MYZAP: variants seen among roughly 807,000 people sequenced by gnomAD.
MYZAP encodes the protein GRINL1A complex locus upstream.
A neutral mutation model predicts 69.4 loss-of-function variants in MYZAP; 66 were observed. That is an observed-to-expected ratio of 0.95 (90% CI 0.78 to 1.17). MYZAP has a LOEUF of 1.17. Among genes scored for constraint, MYZAP ranks in the 50% most tolerant of loss-of-function variants. MYZAP has a pLI of 0.00. For synonymous variants in MYZAP, 256 were observed against 205.9 expected (o/e 1.24, Z -2.09); for missense variants, 611 against 556.2 (o/e 1.10, Z -0.99).
chr15:57,634,896 G>C (rs549173312), intron 8 of MYZAP, among the ~76,000 whole-genome samples: 1 of 152,234 alleles, frequency 6.6e-6, no homozygotes, highest in South Asian at 2.1e-4. Flanking sequence ...GTGAAGATTG[G>C]GCAACAAGGG....
intron 11 of MYZAP, among the ~76,000 whole-genome samples, chr15:57,665,327 C>G (rs1323624493): frequency 6.6e-6 from 1 of 152,168 alleles, no homozygotes; most frequent in Non-Finnish European, 1.5e-5. Context: ...GCAGTTGGCC[C>G]CGATATTTGC....
chr15:57,593,690 T>C (rs2033871009), intron 1 of MYZAP, among the ~76,000 whole-genome samples: 1 of 152,226 alleles, frequency 6.6e-6, no homozygotes, highest in South Asian at 2.1e-4. Context: ...TTGAATAAGA[T>C]GGCAGACGTA....
chr15:57,624,515 A>T (rs1196666776), intron 4 of MYZAP, among the ~76,000 whole-genome samples: 1 of 152,342 alleles, frequency 6.6e-6, no homozygotes, highest in African/African-American at 2.4e-5. Context: ...GTGGGAGGAC[A>T]TTTGTGAAAT....
intron 1 of MYZAP, among the ~76,000 whole-genome samples, chr15:57,596,995 A>G (rs1332894352): frequency 2.0e-5 from 3 of 152,214 alleles, no homozygotes; most frequent in Non-Finnish European, 4.4e-5. Flanking sequence ...AGGCAGTTAA[A>G]AACAGAAATC....
chr15:57,660,385 G>A (rs903330232), intron 10 of MYZAP, among the ~76,000 whole-genome samples: 4 of 152,174 alleles, frequency 2.6e-5, no homozygotes, highest in Non-Finnish European at 4.4e-5. Flanking sequence ...CATCATCATA[G>A]CTGACTTCCA....
chr15:57,604,173 A>G, intron 1 of MYZAP, 96 bp from the exon 2 acceptor site: 8 of 1,245,896 alleles, frequency 6.4e-6, no homozygotes, highest in South Asian at 1.3e-5. Context: ...CCCCAATGGA[A>G]GTAGGGGAAA....
chr15:57,684,438 T>C lies in MYZAP; in HGVS notation c.1341T>C (p.Ser447=), dbSNP rs757686178. 6 of 1,613,608 alleles carry C rather than the reference T, an allele frequency of 3.7e-6. No individual in the cohort carries two copies. Among genetic ancestry groups the C allele is most frequent in the Non-Finnish European group, 5.1e-6 (6 of 1,179,844 alleles). ...TGRTREIVMP[S]RNYTPYTRVL... is the part of the protein sequence containing the mutation. ...GGACTCGTGAAATTGTGATGCCTTCTAGGAACTACACCCCATACACAAGAG... is the reference window on the plus strand; with the variant it reads ...GGACTCGTGAAATTGTGATGCCTTCCAGGAACTACACCCCATACACAAGAG... The change falls in exon 13 of 13, where the codon TCT becomes TCC. Residue 447 remains serine (S), a synonymous_variant. Transcript: ENST00000267853.
chr15:57,660,530 G>A (rs1369005874), intron 10 of MYZAP, among the ~76,000 whole-genome samples: 2 of 152,048 alleles, frequency 1.3e-5, no homozygotes, highest in Admixed American at 6.5e-5. Context: ...GCCCAGGCTG[G>A]TCTTGAACTC....
rs1171743057 is a variant in MYZAP, at chr15:57,675,103, A to G, written c.1304+35A>G. The G allele has an allele frequency of 1.9e-6, 3 of 1,551,272 alleles. No individual in the cohort carries two copies. The East Asian group carries it at 6.7e-5, about 35-fold the overall frequency. The stretch of plus-strand genomic sequence containing the variant: ...AATTTCCTGATTTTTTTTTTTATTC[A>G]AATTCCTCTTTGGCTGAAGAAAATA... On this transcript the variant is annotated intron_variant, in intron 12 of 12. Transcript: ENST00000267853.
intron 5 of MYZAP, among the ~76,000 whole-genome samples, chr15:57,627,341 G>T (rs1265996596): frequency 1.5e-5 from 2 of 132,150 alleles, no homozygotes; most frequent in East Asian, 2.5e-4. Context: ...TAAAACCGCT[G>T]AGAGAAACAG....
At chr15:57,646,063 C>A in intron 10 of MYZAP, 1 of 919,864 alleles carries the variant, frequency 1.1e-6, no homozygotes, top group Non-Finnish European at 1.5e-6. Context: ...TGGTAATTAG[C>A]CAAATGGGGG....
rs544999358 is a variant in MYZAP at position 57,678,727 on chromosome 15, C to A, written c.1304+3659C>A. Among the ~76,000 whole-genome samples the A allele has an allele frequency of 2.7e-3, 416 of 152,234 alleles. 5 individuals carry two copies. The highest frequency in any genetic ancestry group is 9.6e-3 in the African/African-American group (398 of 41,548). ...GTCAGCTAAGACCTGAGAGTGGCCC[C>A]TGCGTGCTGTAGGCATGGGGCACTT... On this transcript the variant is annotated intron_variant, in intron 12 of 12. Transcript: ENST00000267853.
intron 11 of MYZAP, 24 bp downstream of exon 11, chr15:57,661,557 T>A (rs2038308830): frequency 6.3e-7 from 1 of 1,584,968 alleles, no homozygotes; most frequent in African/African-American, 1.4e-5. Flanking sequence ...TTTCTTTAAG[T>A]TGGTGTCTTC....
intron 1 of MYZAP, among the ~76,000 whole-genome samples, chr15:57,595,024 A>C (rs1327632643): frequency 6.6e-6 from 1 of 152,230 alleles, no homozygotes; most frequent in Non-Finnish European, 1.5e-5. Context: ...ATGTGGGTCC[A>C]GATATTCAAG....
intron 2 of MYZAP, among the ~76,000 whole-genome samples, chr15:57,608,451 T>C (rs1595860455): frequency 1.3e-5 from 2 of 152,098 alleles, no homozygotes; most frequent in African/African-American, 4.8e-5. Context: ...GAGTCAAGGG[T>C]TTGTGGGGTG....
chr15:57,602,804 G>C (rs2414515), intron 1 of MYZAP, among the ~76,000 whole-genome samples: 16,555 of 152,138 alleles, frequency 0.11, 1,166 homozygotes, highest in East Asian at 0.37. Context: ...GCAGGTAAGA[G>C]AATCTCTTAC....
At chr15:57,599,049 GA>G (rs1311279560) in intron 1 of MYZAP, among the ~76,000 whole-genome samples, 4 of 152,202 alleles carry the variant, frequency 2.6e-5, no homozygotes, top group African/African-American at 9.7e-5. Flanking sequence ...ATGCGTGCCA[GA>G]AATTGTCCTA....
At chr15:57,678,951 C>T (rs886156319) in intron 12 of MYZAP, among the ~76,000 whole-genome samples, 3 of 151,956 alleles carry the variant, frequency 2.0e-5, no homozygotes, top group East Asian at 1.9e-4. Context: ...CCGAGGCGGG[C>T]GGATCACCTG....
At chr15:57,672,893 G>T (rs1233641403) in intron 11 of MYZAP, among the ~76,000 whole-genome samples, 1 of 151,858 alleles carries the variant, frequency 6.6e-6, no homozygotes, top group African/African-American at 2.4e-5. Flanking sequence ...TTAATATTCT[G>T]TGGATCCCCC....
Sources: gnomAD v4.1 joint callset for allele counts (sites outside exome capture counted in the v4.1 genomes callset) on GRCh38, gnomAD v4.1.1 for gene constraint, MANE v1.5 for transcripts, NCBI Gene and HGNC (gene_info 2026-07-23, HGNC 2026-07-21) for gene names.